Variants in FAM163B observed in about 807,000 individuals in gnomAD.
FAM163B encodes family with sequence similarity 163 member B.
A neutral mutation model predicts 7.6 loss-of-function variants in FAM163B; 4 were observed. That is an observed-to-expected ratio of 0.52 (90% confidence interval 0.26 to 1.20). The LOEUF is 1.20. FAM163B is among the 50% of genes most tolerant of loss of function. FAM163B has a pLI of 0.14. For missense variants in FAM163B, 250 were observed against 243.0 expected (o/e 1.03, Z -0.19); for synonymous variants, 120 against 111.6 (o/e 1.07, Z -0.47).
At chr9:133,581,434 C>G (rs1319579601) in intron 1 of FAM163B, among the ~76,000 whole-genome samples, 1 of 152,014 alleles carries the variant, frequency 6.6e-6, no homozygotes, top group East Asian at 1.9e-4. Context: ...TAAAGGAAAT[C>G]ACAGAGCATA....
At position 133,606,529 on chromosome 9, in the gene FAM163B, G is replaced by A. The variant is rs916568810; in HGVS notation, c.-24+2548C>T. 6.6e-6 allele frequency among the ~76,000 whole-genome samples: 1 copy of A among 152,198 alleles called. No individual in the cohort carries two copies. Among genetic ancestry groups the A allele is most frequent in the Non-Finnish European group, 1.5e-5 (1 of 68,030 alleles). On this transcript the variant is annotated intron_variant, in intron 1 of 2. Transcript: ENST00000673969. The surrounding 1 kb of genome is among the most constrained non-coding windows in gnomAD (Gnocchi z 4.0). ...CCAAAAGCCTTTTGGCCAGGCTCAC[G>A]GTTGCCCCGGTGTCCCATGTGCCAG...
At chr9:133,580,736 A>G (rs1362444114) in intron 1 of FAM163B, among the ~76,000 whole-genome samples, 7 of 152,182 alleles carry the variant, frequency 4.6e-5, no homozygotes, top group Non-Finnish European at 7.3e-5. Context: ...ACCCGATTCC[A>G]TTGTTTCATG....
intron 1 of FAM163B, among the ~76,000 whole-genome samples, chr9:133,605,555 G>T (rs1302745113): frequency 1.3e-5 from 2 of 152,184 alleles, no homozygotes; most frequent in Non-Finnish European, 2.9e-5. Flanking sequence ...GCTCGGTCCG[G>T]CAGGGACCCA....
intron 1 of FAM163B, among the ~76,000 whole-genome samples, chr9:133,580,713 A>G (rs1831343765): frequency 6.6e-6 from 1 of 152,226 alleles, no homozygotes; most frequent in East Asian, 1.9e-4. Context: ...TTTCTTCTGC[A>G]ACATAGTCTC....
intron 1 of FAM163B, among the ~76,000 whole-genome samples, chr9:133,581,489 G>A (rs1831355111): frequency 6.6e-6 from 1 of 152,050 alleles, no homozygotes; most frequent in Non-Finnish European, 1.5e-5. Context: ...GACGGAGGAG[G>A]ATTTTAAAAA....
chr9:133,598,696 A>T (rs931199800), intron 1 of FAM163B, among the ~76,000 whole-genome samples: 2 of 152,132 alleles, frequency 1.3e-5, no homozygotes, highest in African/African-American at 4.8e-5. Flanking sequence ...TCCTTGGCAC[A>T]CTGTAGTTTT....
intron 1 of FAM163B, among the ~76,000 whole-genome samples, chr9:133,602,096 C>A (rs571937973): frequency 6.6e-6 from 1 of 150,724 alleles, no homozygotes; most frequent in Non-Finnish European, 1.5e-5. Flanking sequence ...CAAACACACA[C>A]ACACAGAGCT....
intron 2 of FAM163B, among the ~76,000 whole-genome samples, chr9:133,579,757 C>T (rs1831326244): frequency 1.3e-5 from 2 of 152,232 alleles, no homozygotes; most frequent in African/African-American, 4.8e-5. Context: ...CAGGCACTGG[C>T]AGCTGTGTTG....
In FAM163B at chr9:133,580,227, C is replaced by T; in HGVS notation, c.-4G>A. ...TGACCACGGTCCCGGCTGTCATCCG[C>T]CCCCTTCTCCATCAACAGCCTGCAA... On this transcript the variant is annotated 5_prime_UTR_variant, in exon 2 of 3. Transcript: ENST00000673969. The T allele has an allele frequency of 1.2e-6, 2 of 1,613,006 alleles. 1 individual carries two copies. Among genetic ancestry groups the T allele is most frequent in the South Asian group, 2.2e-5 (2 of 91,040 alleles).
At chr9:133,592,338 G>A (rs774927409) in intron 1 of FAM163B, among the ~76,000 whole-genome samples, 4 of 152,150 alleles carry the variant, frequency 2.6e-5, no homozygotes, top group Admixed American at 6.5e-5. Context: ...CTCTGCCATC[G>A]GGGAAGTTTT....
At chr9:133,587,156 C>T (rs969312331) in intron 1 of FAM163B, among the ~76,000 whole-genome samples, 8 of 152,210 alleles carry the variant, frequency 5.3e-5, no homozygotes, top group Non-Finnish European at 8.8e-5. Context: ...ACTCAAAGCC[C>T]ATCCCTGTCT....
intron 1 of FAM163B, among the ~76,000 whole-genome samples, chr9:133,589,011 G>T (rs961532387): frequency 5.9e-5 from 9 of 152,076 alleles, no homozygotes; most frequent in Non-Finnish European, 1.2e-4. Context: ...TCTCTGTCAG[G>T]CCCTACAACT....
At position 133,599,956 on chromosome 9, in the gene FAM163B, C is replaced by T. The variant is rs555641831; in HGVS notation, c.-24+9121G>A. On this transcript the variant is annotated intron_variant, in intron 1 of 2. Coordinates refer to ENST00000673969, the MANE Select transcript of FAM163B (RefSeq NM_001080515.3). The stretch of plus-strand genomic sequence containing the variant: ...TGTGGTCTATGTGCATATGTGTGTG[C>T]GTGTGTGCATGTGTGTGTGTCTGTG... 2.1e-3 allele frequency among the ~76,000 whole-genome samples: 205 copies of T among 98,760 alleles called. 1 individual carries two copies. The highest frequency in any genetic ancestry group is 0.019 in the Middle Eastern group (2 of 108). The allele number at this position is 98,760 out of a possible 152,430, so 64.8% of individuals were successfully genotyped here. A position where few individuals can be genotyped will look rare whatever the true frequency, so the allele number is the denominator to read the frequency against.
At chr9:133,608,449 A>ACCC (rs141900341) in intron 1 of FAM163B, among the ~76,000 whole-genome samples, 1 of 142,210 alleles carries the variant, frequency 7.0e-6, no homozygotes, top group Non-Finnish European at 1.6e-5. Flanking sequence ...TCAGTTAGGC[A>ACCC]ACCCCCCACC....
chr9:133,597,937 CTGTCTCCTCTTCTAGACT>C, intron 1 of FAM163B, among the ~76,000 whole-genome samples: 1 of 152,338 alleles, frequency 6.6e-6, no homozygotes, highest in South Asian at 2.1e-4. Flanking sequence ...AGCATTTACA[CTGTCTCCTCTTCTAGACT>C]TGTCCAGGGG....
chr9:133,590,087 TCCCTTC>T (rs1335097137), intron 1 of FAM163B, among the ~76,000 whole-genome samples: 24 of 21,914 alleles, frequency 1.1e-3, no homozygotes, highest in African/African-American at 3.7e-3. Context: ...CCCTTCCCCT[TCCCTTC>T]CCCTTCCCCT....
chr9:133,593,235 T>C (rs544218373), intron 1 of FAM163B, among the ~76,000 whole-genome samples: 2 of 152,284 alleles, frequency 1.3e-5, no homozygotes, highest in Non-Finnish European at 2.9e-5. Context: ...GGAGGCAGAC[T>C]CTCCCATGTC....
intron 1 of FAM163B, among the ~76,000 whole-genome samples, chr9:133,608,152 C>T (rs1451160942): frequency 6.6e-6 from 1 of 152,222 alleles, no homozygotes. Flanking sequence ...TGAGCTCCTG[C>T]TTACTGGGGA....
At chr9:133,595,825 T>C (rs888463834) in intron 1 of FAM163B, among the ~76,000 whole-genome samples, 1 of 152,228 alleles carries the variant, frequency 6.6e-6, no homozygotes, top group African/African-American at 2.4e-5. Context: ...ATTTACTGTC[T>C]GTTTCTTCCC....
Sources: gnomAD v4.1 joint callset for allele counts (sites outside exome capture counted in the v4.1 genomes callset) on GRCh38, gnomAD v4.1.1 for gene constraint, Gnocchi (gnomAD v3.1) non-coding constraint, MANE v1.5 for transcripts, NCBI Gene and HGNC (gene_info 2026-07-23, HGNC 2026-07-21) for gene names.